The following LAMB4 variants were observed in gnomAD, a reference collection of about 807,000 sequenced individuals.
The protein encoded by LAMB4 is laminin subunit beta-4.
In LAMB4, 196 loss-of-function variants were observed where a neutral mutation model predicts 199.2. The ratio of observed to expected loss-of-function variants is 0.98; its 90% CI spans 0.88 to 1.11. The LOEUF (loss-of-function observed/expected upper bound fraction) is 1.11, where lower values mean the gene tolerates loss of function less well. Among genes scored for constraint, LAMB4 ranks in the 50% least tolerant of loss-of-function variants. The pLI, the probability that LAMB4 is intolerant of heterozygous loss-of-function variation, is 0.00. For missense variants in LAMB4, 2,080 were observed against 2,171.2 expected (o/e 0.96, Z 0.83); for synonymous variants, 744 against 770.6 (o/e 0.97, Z 0.57).
intron 10 of LAMB4, among the ~76,000 whole-genome samples, chr7:108,101,642 A>T (rs537285912): frequency 6.6e-6 from 1 of 152,298 alleles, no homozygotes; most frequent in East Asian, 1.9e-4. Context: ...TGAAATCAGG[A>T]TGGAGTATTT....
chr7:108,026,494 T>C, intron 33 of LAMB4: 1 of 165,080 alleles, frequency 6.1e-6, no homozygotes, highest in South Asian at 1.6e-4. Flanking sequence ...CGCAGCTGCT[T>C]GAGAAACCCA....
chr7:108,092,638 G>T (rs554637506), intron 12 of LAMB4, among the ~76,000 whole-genome samples: 161 of 152,154 alleles, frequency 1.1e-3, no homozygotes, highest in Non-Finnish European at 2.0e-3. Flanking sequence ...GGGTGCGGTG[G>T]CTCCTGCCTG....
At chr7:108,033,610 T>C (rs766152613) in intron 31 of LAMB4, among the ~76,000 whole-genome samples, 32 of 152,060 alleles carry the variant, frequency 2.1e-4, no homozygotes, top group Non-Finnish European at 4.1e-4. Context: ...GGTTTCACCA[T>C]GTTGGCCCAG....
chr7:108,048,795 C>A (rs991169145), intron 27 of LAMB4, among the ~76,000 whole-genome samples: 1 of 152,040 alleles, frequency 6.6e-6, no homozygotes, highest in South Asian at 2.1e-4. Context: ...CAGGTTCAAG[C>A]GATTCTCCTG....
intron 5 of LAMB4, 122 bp downstream of exon 5, chr7:108,109,049 G>T (rs2038125570): frequency 2.8e-6 from 2 of 716,892 alleles, no homozygotes; most frequent in Admixed American, 4.9e-5. Flanking sequence ...AGGTGGCAAA[G>T]GTCAAGTCTG....
chr7:108,049,418 T>G lies in LAMB4; in HGVS notation c.4030A>C (p.Thr1344Pro). Residue 1344 changes from threonine (T) to proline (P), a missense_variant, in exon 27 of 34, where the codon ACC becomes CCC. Transcript: ENST00000388781. ...TSANTRNDLLTILDTLTSKGN... is the reference protein window; with the variant it reads ...TSANTRNDLLPILDTLTSKGN... ...TTTGAGGTTAGTGTATCTAAGATGG[T>G]AAGTAAGTCATTCCTTGTATTTGCA... 1 of 1,593,974 alleles carries G rather than the reference T, an allele frequency of 6.3e-7. No homozygotes were observed. Among genetic ancestry groups the G allele is most frequent in the Non-Finnish European group, 8.6e-7 (1 of 1,163,008 alleles).
intron 17 of LAMB4, among the ~76,000 whole-genome samples, chr7:108,070,441 T>C (rs1179082333): frequency 6.6e-6 from 1 of 152,072 alleles, no homozygotes; most frequent in East Asian, 1.9e-4. Flanking sequence ...ACTGCATGGG[T>C]CCCTTCTATG....
chr7:108,111,827 C>T lies in LAMB4; in HGVS notation c.312G>A (p.Trp104Ter). Residue 104 changes from tryptophan (W) to a stop codon, truncating the protein, a stop_gained, in exon 4 of 34, where the codon TGG becomes TGA. Transcript: ENST00000388781. LOFTEE classifies it high-confidence loss of function. ...VSFEPDREKK[W>*]WQSENGLDHV... The stretch of plus-strand genomic sequence containing the variant: ...AAATCATACCATTTTCAGATTGCCA[C>T]CATTTCTTTTCTCTGTCTGGTTCAA... The T allele has an allele frequency of 6.2e-7, 1 of 1,611,824 alleles. No individual in the cohort carries two copies. The highest frequency in any genetic ancestry group is 1.1e-5 in the South Asian group (1 of 90,224).
Position 108,023,678 on chromosome 7 carries a change from A to T in LAMB4, c.*361T>A, listed in dbSNP as rs933542665. On this transcript the variant is annotated 3_prime_UTR_variant, in exon 34 of 34. Coordinates refer to ENST00000388781, the MANE Select transcript of LAMB4 (RefSeq NM_007356.3). ...TATGTATTCCATCCTAATATTGGAGATATTTATTTAATGTTTAGGTTTATC... is the reference window on the plus strand; with the variant it reads ...TATGTATTCCATCCTAATATTGGAGTTATTTATTTAATGTTTAGGTTTATC... 1.9e-5 allele frequency: 3 copies of T among 158,640 alleles called. No individual in the cohort carries two copies. The highest frequency in any genetic ancestry group is 6.4e-5 in the Admixed American group (1 of 15,510). The allele number at this position is 158,640 out of a possible 1,614,324, so 9.8% of individuals were successfully genotyped here.
Position 108,111,924 on chromosome 7 carries a change from C to T in LAMB4, c.215G>A (p.Cys72Tyr). 1 of 1,605,880 alleles carries T rather than the reference C, an allele frequency of 6.2e-7. No homozygotes were observed. ...CGGATCATATGGAAATCTAGAGTCA[C>T]AGATGAAGCATTTTTGTTCCCCCTG... ...YLEGEQKCFI[C>Y]DSRFPYDPYD... Residue 72 changes from cysteine (C) to tyrosine (Y), a missense_variant, in exon 4 of 34, where the codon TGT becomes TAT. By Grantham distance (194) the Cys-to-Tyr change is radical (BLOSUM62 -2). Coordinates refer to ENST00000388781, the MANE Select transcript of LAMB4 (RefSeq NM_007356.3).
At chr7:108,064,079 C>T (rs577042465) in intron 21 of LAMB4, 94 bp from the exon 22 acceptor site, 1 of 866,430 alleles carries the variant, frequency 1.2e-6, no homozygotes, top group South Asian at 1.4e-5. Flanking sequence ...TATTGGGCTC[C>T]TCTAGGAATA....
chr7:108,083,869 G>A (rs2037055089), intron 14 of LAMB4, among the ~76,000 whole-genome samples: 1 of 152,188 alleles, frequency 6.6e-6, no homozygotes, highest in African/African-American at 2.4e-5. Context: ...GATTCTTGGA[G>A]GGGGACAGAG....
intron 21 of LAMB4, 46 bp downstream of exon 21, chr7:108,065,716 G>C (rs1437654210): frequency 6.6e-7 from 1 of 1,506,832 alleles, no homozygotes. Flanking sequence ...ACAGATTACA[G>C]TGTGGGATAA....
chr7:108,090,523 T>C (rs998430372), intron 14 of LAMB4, among the ~76,000 whole-genome samples: 18 of 152,148 alleles, frequency 1.2e-4, no homozygotes, highest in Admixed American at 3.9e-4. Flanking sequence ...AAATCAGCAT[T>C]GTTTCAGATG....
intron 3 of LAMB4, among the ~76,000 whole-genome samples, chr7:108,115,004 A>G (rs1166928560): frequency 6.6e-6 from 1 of 152,160 alleles, no homozygotes; most frequent in African/African-American, 2.4e-5. Context: ...AATCAATTCA[A>G]AGTTCTACAC....
At chr7:108,117,308 C>T (rs904688034) in intron 2 of LAMB4, among the ~76,000 whole-genome samples, 1 of 152,102 alleles carries the variant, frequency 6.6e-6, no homozygotes, top group African/African-American at 2.4e-5. Flanking sequence ...CTAATCATTC[C>T]GAGTTAAGAT....
At chr7:108,058,004 T>C in intron 23 of LAMB4, 76 bp from the exon 24 acceptor site, 4 of 995,398 alleles carry the variant, frequency 4.0e-6, no homozygotes, top group Non-Finnish European at 6.4e-6. Flanking sequence ...AGGAAATATT[T>C]TCCCCTCCAG....
chr7:108,062,852 G>T lies in LAMB4; in HGVS notation c.3204C>A (p.Tyr1068Ter), dbSNP rs1329227374. 3.2e-6 allele frequency: 5 copies of T among 1,581,184 alleles called. No homozygotes were observed. The Admixed American group carries it at 7.4e-5, about 23-fold the overall frequency. Reference protein sequence around the residue: ...GLACDRCADGYWNLVPGRGCQ... With the variant: ...GLACDRCADG ...ATCCTCTGCCAGGGACCAGATTCCA[G>T]TATCCATCAGCACAACGGTCACAGG... Residue 1068 changes from tyrosine (Y) to a stop codon, truncating the protein, a stop_gained, in exon 23 of 34, where the codon TAC (tyrosine) becomes TAA (stop). Transcript: ENST00000388781. LOFTEE classifies it high-confidence loss of function.
At chr7:108,099,499 A>G (rs1349678354) in intron 10 of LAMB4, among the ~76,000 whole-genome samples, 1 of 152,214 alleles carries the variant, frequency 6.6e-6, no homozygotes, top group Non-Finnish European at 1.5e-5. Flanking sequence ...CGAACCCCTC[A>G]TCATCGGAGG....
Sources: gnomAD v4.1 joint callset for allele counts (sites outside exome capture counted in the v4.1 genomes callset) on GRCh38, gnomAD v4.1.1 for gene constraint, MANE v1.5 for transcripts, NCBI Gene and HGNC (gene_info 2026-07-23, HGNC 2026-07-21) for gene names.